The following UGT1A10 variants were observed in gnomAD, a reference collection of about 807,000 sequenced individuals.
UGT1A10 encodes the protein UDP-glucuronosyltransferase 1A10.
UGT1A10 carries 49 observed loss-of-function variants against 45.8 expected under a neutral mutation model. The observed-to-expected ratio is 1.07, with a 90% CI of 0.85 to 1.36. UGT1A10 has a LOEUF of 1.36. Ranked by LOEUF, UGT1A10 falls within the 40% of genes most tolerant of loss-of-function variation. UGT1A10 has a pLI of 0.00. For missense variants in UGT1A10, 745 were observed against 668.6 expected (o/e 1.11, Z -1.26); for synonymous variants, 284 against 249.7 (o/e 1.14, Z -1.29).
chr2:233,647,903 C>A, intron 1 of UGT1A10: 1 of 1,573,508 alleles, frequency 6.4e-7, no homozygotes, highest in Non-Finnish European at 8.7e-7. Flanking sequence ...TGAAGTTAGC[C>A]TCCAGGGAAG....
intron 1 of UGT1A10, chr2:233,671,865 G>T (rs1344959162): frequency 1.3e-6 from 2 of 1,517,638 alleles, no homozygotes; most frequent in African/African-American, 2.8e-5. Flanking sequence ...TTTTGTGCTG[G>T]TATTTCTCCC....
rs1288789107 is a variant in UGT1A10 at position 233,724,474 on chromosome 2, CTT to C, written c.856-42559_856-42558del. Among the ~76,000 whole-genome samples the C allele has an allele frequency of 8.4e-4, 66 of 78,806 alleles. 2 individuals carry two copies. The highest frequency in any genetic ancestry group is 3.0e-3 in the African/African-American group (63 of 21,154). 51.7% of individuals were successfully genotyped at this position (78,806 alleles called of 152,430 possible). A position where few individuals can be genotyped will look rare whatever the true frequency, so the allele number is the denominator to read the frequency against. On this transcript the variant is annotated intron_variant, in intron 1 of 4. Transcript: ENST00000344644. ...AGCTGCCGGGCGGAGGGGCTCCTCA[CTT>C]CTCAGACGGGGCGGCCGGGCAGAGA...
At chr2:233,680,384 A>G (rs1029019017) in intron 1 of UGT1A10, among the ~76,000 whole-genome samples, 2 of 152,352 alleles carry the variant, frequency 1.3e-5, no homozygotes, top group African/African-American at 4.8e-5. Flanking sequence ...AGCTCCCTGC[A>G]ATAGCAACAG....
chr2:233,671,527 T>C (rs1261224950), intron 1 of UGT1A10, among the ~76,000 whole-genome samples: 2 of 152,188 alleles, frequency 1.3e-5, no homozygotes, highest in Admixed American at 6.5e-5. Context: ...CAGAGAGTAT[T>C]TGGTTGCCTA....
At chr2:233,660,791 C>G (rs1472477607) in intron 1 of UGT1A10, among the ~76,000 whole-genome samples, 1 of 152,058 alleles carries the variant, frequency 6.6e-6, no homozygotes, top group East Asian at 1.9e-4. Context: ...AAAACTGGCT[C>G]AGGCAGATAT....
At chr2:233,656,107 T>C (rs1208871768) in intron 1 of UGT1A10, among the ~76,000 whole-genome samples, 1 of 152,128 alleles carries the variant, frequency 6.6e-6, no homozygotes, top group Non-Finnish European at 1.5e-5. Flanking sequence ...AACATACATA[T>C]TCACCAGGTT....
At chr2:233,681,752 G>C (rs2074537408) in intron 1 of UGT1A10, 2 of 838,916 alleles carry the variant, frequency 2.4e-6, no homozygotes, top group African/African-American at 1.8e-5. Context: ...ATATAAGCAG[G>C]TATCTCAGCA....
rs930932436 is a variant in UGT1A10 at position 233,769,919 on chromosome 2, G to A, written c.1295+1480G>A. The A allele has an allele frequency of 1.0e-5, 3 of 286,172 alleles. No individual in the cohort carries two copies. Among genetic ancestry groups the A allele is most frequent in the Non-Finnish European group, 1.3e-5 (2 of 153,080 alleles). 17.7% of individuals were successfully genotyped at this position (286,172 alleles called of 1,614,324 possible). A position where few individuals can be genotyped will look rare whatever the true frequency, so the allele number is the denominator to read the frequency against. Reference sequence around the variant, plus strand: ...GAGCATCATGTGCCCAGAGCGTTGGGTGGTGTGGTCCCATTCCTTCCTTCC... The same window carrying A: ...GAGCATCATGTGCCCAGAGCGTTGGATGGTGTGGTCCCATTCCTTCCTTCC... On this transcript the variant is annotated intron_variant, in intron 4 of 4. Coordinates refer to ENST00000344644, the MANE Select transcript of UGT1A10 (RefSeq NM_019075.4). This position sits in a 1 kb window ranked among gnomAD's most constrained non-coding sequence, Gnocchi z 4.4.
rs942843599 is a variant in UGT1A10, at chr2:233,747,037, A to G, written c.856-19997A>G. Among the ~76,000 whole-genome samples the G allele has an allele frequency of 1.1e-4, 16 of 151,986 alleles. 1 individual carries two copies. Among genetic ancestry groups the G allele is most frequent in the African/African-American group, 3.9e-4 (16 of 41,218 alleles). ...ATCGGTCTTTCCCGAAGTGGGACCC[A>G]TAATGAAAGACAATGATTGGTTAAT... is the stretch of plus-strand genomic sequence containing the variant. On this transcript the variant is annotated intron_variant, in intron 1 of 4. Transcript: ENST00000344644.
chr2:233,718,048 C>G, intron 1 of UGT1A10: 1 of 365,942 alleles, frequency 2.7e-6, no homozygotes, highest in South Asian at 2.1e-5. Flanking sequence ...CAGGAGCTCC[C>G]TGAACCCACC....
At chr2:233,722,834 TAAG>T (rs1329542867) in intron 1 of UGT1A10, among the ~76,000 whole-genome samples, 1 of 146,008 alleles carries the variant, frequency 6.8e-6, no homozygotes, top group Non-Finnish European at 1.5e-5. Flanking sequence ...TGTATTATAA[TAAG>T]AATGTTTCTT....
In UGT1A10 at chr2:233,682,429, C is replaced by T. The variant is rs560254383; in HGVS notation, c.855+45052C>T. 7.7e-5 allele frequency: 125 copies of T among 1,613,912 alleles called. No homozygotes were observed. In the South Asian group the frequency reaches 1.4e-3, roughly 17 times the overall value. ...TTGTTGCCAAATATTTCTCCCTCCC[C>T]TCTGTGGTCTTCGCCAGGGGAATAT... On this transcript the variant is annotated intron_variant, in intron 1 of 4. Transcript: ENST00000344644.
Position 233,767,315 on chromosome 2 carries a change from T to C in UGT1A10, c.987+150T>C, listed in dbSNP as rs1407711365. 9 of 1,492,214 alleles carry C rather than the reference T, an allele frequency of 6.0e-6. No individual in the cohort carries two copies. The East Asian group carries it at 1.9e-4, about 32-fold the overall frequency. The allele number at this position is 1,492,214 out of a possible 1,614,324, so 92.4% of individuals were successfully genotyped here. A position where few individuals can be genotyped will look rare whatever the true frequency, so the allele number is the denominator to read the frequency against. The stretch of plus-strand genomic sequence containing the variant: ...ACTATTAATCCAAAGGTTTTTTTTG[T>C]TGTTGTGGTTGTTGTCATTGTTTTC... On this transcript the variant is annotated intron_variant, in intron 2 of 4. Coordinates refer to ENST00000344644, the MANE Select transcript of UGT1A10 (RefSeq NM_019075.4).
At chr2:233,668,219 C>T (rs552813773) in intron 1 of UGT1A10, among the ~76,000 whole-genome samples, 23 of 152,162 alleles carry the variant, frequency 1.5e-4, no homozygotes, top group Non-Finnish European at 2.2e-4. Context: ...CCCCACCTCT[C>T]GACAGGCCCC....
chr2:233,658,744 T>A (rs1483456557), intron 1 of UGT1A10, among the ~76,000 whole-genome samples: 8 of 152,242 alleles, frequency 5.3e-5, no homozygotes, highest in Non-Finnish European at 1.2e-4. Context: ...TTTTCTCCAC[T>A]GAATTGTCTT....
chr2:233,698,902 C>A (rs1021221602), intron 1 of UGT1A10, among the ~76,000 whole-genome samples: 2 of 152,214 alleles, frequency 1.3e-5, no homozygotes, highest in Non-Finnish European at 2.9e-5. Flanking sequence ...GCCTCCTCTG[C>A]CCAAGGAGGG....
intron 1 of UGT1A10, among the ~76,000 whole-genome samples, chr2:233,707,963 C>T (rs982486445): frequency 6.6e-6 from 1 of 152,190 alleles, no homozygotes; most frequent in South Asian, 2.1e-4. Flanking sequence ...TTTGCCCATT[C>T]AAGTCTATTG....
chr2:233,693,316 C>A, intron 1 of UGT1A10: 1 of 1,614,156 alleles, frequency 6.2e-7, no homozygotes, highest in Admixed American at 1.7e-5. Context: ...AGCGATCATT[C>A]CTAACTGCTC....
At chr2:233,759,792 T>C (rs945566213) in intron 1 of UGT1A10, among the ~76,000 whole-genome samples, 3 of 152,146 alleles carry the variant, frequency 2.0e-5, no homozygotes, top group African/African-American at 7.2e-5. Flanking sequence ...ATGAAACACA[T>C]GATACAAGTG....
Sources: allele counts gnomAD v4.1 joint callset (sites outside exome capture counted in the v4.1 genomes callset), GRCh38; gene constraint gnomAD v4.1.1; non-coding constraint Gnocchi (gnomAD v3.1); transcripts MANE v1.5; gene names NCBI Gene and HGNC (gene_info 2026-07-23, HGNC 2026-07-21).